Variants in TRIM42 observed in about 807,000 individuals in gnomAD.
TRIM42 encodes tripartite motif-containing protein 42.
TRIM42 carries 59 observed loss-of-function variants against 64.9 expected under a neutral mutation model. The observed-to-expected ratio is 0.91, with a 90% confidence interval of 0.74 to 1.13. TRIM42 has a LOEUF of 1.13. Among genes scored for constraint, TRIM42 ranks in the 50% most tolerant of loss-of-function variants. The pLI, the probability that TRIM42 is intolerant of heterozygous loss-of-function variation, is 0.00. For synonymous variants in TRIM42, 354 were observed against 346.3 expected (o/e 1.02, Z -0.25); for missense variants, 878 against 929.5 (o/e 0.94, Z 0.72).
intron 4 of TRIM42, 114 bp downstream of exon 4, chr3:140,691,306 G>A: frequency 1.1e-6 from 1 of 895,422 alleles, no homozygotes; most frequent in South Asian, 1.6e-5. Flanking sequence ...CTTCCTCTAA[G>A]CACAGAACAT....
intron 4 of TRIM42, among the ~76,000 whole-genome samples, chr3:140,695,414 G>A (rs1415360029): frequency 1.3e-5 from 2 of 152,116 alleles, no homozygotes; most frequent in Non-Finnish European, 2.9e-5. Context: ...ATCAGACTTG[G>A]AGGTAAAAAT....
In TRIM42 at chr3:140,688,483, G is replaced by C; in HGVS notation, c.1801G>C (p.Val601Leu). The C allele has an allele frequency of 1.2e-6, 2 of 1,614,168 alleles. No homozygotes were observed. Among genetic ancestry groups the C allele is most frequent in the Non-Finnish European group, 1.7e-6 (2 of 1,180,026 alleles). ...HNWYSFNDGSVKTPGPIVIYQ... is the reference protein window; with the variant it reads ...HNWYSFNDGSLKTPGPIVIYQ... ...CTGGTACTCATTCAACGATGGCTCT[G>C]TGAAGACCCCAGGCCCAATTGTTAT... Residue 601 changes from valine to leucine, a missense_variant, in exon 3 of 5, where the codon GTG becomes CTG. Physicochemically the swap from Val to Leu is conservative, Grantham distance 32. Transcript: ENST00000286349.
intron 3 of TRIM42, among the ~76,000 whole-genome samples, chr3:140,689,951 C>A (rs919560833): frequency 3.9e-5 from 6 of 152,114 alleles, no homozygotes; most frequent in East Asian, 1.9e-4. Flanking sequence ...AAAATAGTCA[C>A]CCCATGCCAC....
At chr3:140,695,289 C>G (rs910827061) in intron 4 of TRIM42, among the ~76,000 whole-genome samples, 1 of 152,014 alleles carries the variant, frequency 6.6e-6, no homozygotes, top group Non-Finnish European at 1.5e-5. Flanking sequence ...ACCTTAATTC[C>G]CCTTTGCTAT....
In TRIM42 at chr3:140,682,455, C is replaced by T; in HGVS notation, c.342-7C>T. On this transcript the variant is annotated splice_region_variant and splice_polypyrimidine_tract_variant and intron_variant, in intron 1 of 4. Transcript: ENST00000286349. ...TCCTGAAACCCTGCCTTTGCTTCTC[C>T]TTTCAGCTCCAAGACTGCCCTGCGC... 2 of 1,607,342 alleles carry T rather than the reference C, an allele frequency of 1.2e-6. No individual in the cohort carries two copies. The highest frequency in any genetic ancestry group is 1.7e-6 in the Non-Finnish European group (2 of 1,175,170).
At position 140,688,255 on chromosome 3, in the gene TRIM42, C is replaced by T; in HGVS notation, c.1573C>T (p.His525Tyr). The change falls in exon 3 of 5, where the codon CAC becomes TAC. Residue 525 changes from histidine (H) to tyrosine (Y), a missense_variant. By Grantham distance (83) the His-to-Tyr change is moderately conservative. Coordinates refer to ENST00000286349, the MANE Select transcript of TRIM42 (RefSeq NM_152616.5). The stretch of plus-strand genomic sequence containing the variant: ...TGCCAGGAAGGTCACTTTCAGCACC[C>T]ACAGCCTCGGCAACCAGCACATATA... ...MIARKVTFSTHSLGNQHIYQR... is the reference protein window; with the variant it reads ...MIARKVTFSTYSLGNQHIYQR... The T allele has an allele frequency of 1.2e-6, 2 of 1,614,208 alleles. No homozygotes were observed. Among genetic ancestry groups the T allele is most frequent in the South Asian group, 2.2e-5 (2 of 91,084 alleles).
At chr3:140,696,499 G>T (rs1185064363) in intron 4 of TRIM42, among the ~76,000 whole-genome samples, 2 of 152,180 alleles carry the variant, frequency 1.3e-5, no homozygotes, top group African/African-American at 4.8e-5. Context: ...GTCACCTTAT[G>T]GACACCATAG....
chr3:140,690,729 G>A (rs997027382), intron 3 of TRIM42, among the ~76,000 whole-genome samples: 3 of 151,452 alleles, frequency 2.0e-5, no homozygotes, highest in African/African-American at 4.9e-5. Flanking sequence ...CCTCCATGTC[G>A]ACTGACAGTA....
chr3:140,701,038 T>C lies in TRIM42; in HGVS notation c.*64T>C, dbSNP rs1988987380. 5 of 1,395,962 alleles carry C rather than the reference T, an allele frequency of 3.6e-6. No individual in the cohort carries two copies. The East Asian group carries it at 7.2e-5, about 20-fold the overall frequency. The allele number at this position is 1,395,962 out of a possible 1,614,324, so 86.5% of individuals were successfully genotyped here. ...AAGTAGACATATACACACACATATA[T>C]GTATGTATATTTTTCTCACCACATT... is the stretch of plus-strand genomic sequence containing the variant. On this transcript the variant is annotated 3_prime_UTR_variant, in exon 5 of 5. Transcript: ENST00000286349.
At chr3:140,697,083 C>T (rs1032891811) in intron 4 of TRIM42, among the ~76,000 whole-genome samples, 9 of 152,162 alleles carry the variant, frequency 5.9e-5, no homozygotes, top group African/African-American at 1.9e-4. Flanking sequence ...GCCCAATAGG[C>T]ATAAAATGAT....
chr3:140,691,288 A>G (rs1988706037), intron 4 of TRIM42, 96 bp downstream of exon 4: 1 of 1,033,602 alleles, frequency 9.7e-7, no homozygotes, highest in Admixed American at 1.9e-5. Flanking sequence ...AGAACTCACT[A>G]TGGGACTCTT....
At chr3:140,679,951 C>G (rs1223850904) in intron 1 of TRIM42, among the ~76,000 whole-genome samples, 2 of 147,644 alleles carry the variant, frequency 1.4e-5, no homozygotes, top group African/African-American at 4.9e-5. Context: ...TCAACCCCCC[C>G]ACCCCGCTTC....
At position 140,682,874 on chromosome 3, in the gene TRIM42, A is replaced by G; in HGVS notation, c.754A>G (p.Ile252Val). ...RNKRIAYKRC[I>V]TCRLNLCNDC... ...CAAGCGCATCGCTTACAAGCGCTGC[A>G]TCACCTGCCGCCTCAACCTGTGCAA... is the stretch of plus-strand genomic sequence containing the variant. Residue 252 changes from isoleucine to valine, a missense_variant, in exon 2 of 5, where the codon ATC becomes GTC. Ile to Val is a conservative substitution (Grantham distance 29). Coordinates refer to ENST00000286349, the MANE Select transcript of TRIM42 (RefSeq NM_152616.5). The G allele has an allele frequency of 6.2e-7, 1 of 1,614,216 alleles. No individual in the cohort carries two copies. Among genetic ancestry groups the G allele is most frequent in the Non-Finnish European group, 8.5e-7 (1 of 1,180,026 alleles).
intron 4 of TRIM42, among the ~76,000 whole-genome samples, chr3:140,695,911 G>A (rs1988834672): frequency 6.6e-6 from 1 of 152,184 alleles, no homozygotes; most frequent in Admixed American, 6.5e-5. Flanking sequence ...AAGATGGTTT[G>A]CATTCTTTAT....
At position 140,678,391 on chromosome 3, in the gene TRIM42, C is replaced by T. The variant is rs761300038; in HGVS notation, c.162C>T (p.His54=). Residue 54 remains histidine (H), a synonymous_variant, in exon 1 of 5, where the codon CAC becomes CAT. Transcript: ENST00000286349. ...ATGAGCGGAACTGCCAGTTCTGCCA[C>T]TGCACCTGTTCTGAGAGCCCCAACT... ...YKDERNCQFC[H]CTCSESPNCH... 1.9e-6 allele frequency: 3 copies of T among 1,614,122 alleles called. No individual in the cohort carries two copies. The highest frequency in any genetic ancestry group is 2.5e-6 in the Non-Finnish European group (3 of 1,180,050).
At chr3:140,689,091 G>A (rs1988640294) in intron 3 of TRIM42, among the ~76,000 whole-genome samples, 2 of 152,228 alleles carry the variant, frequency 1.3e-5, no homozygotes, top group Admixed American at 1.3e-4. Context: ...AGAGTGAAGA[G>A]TGGGGTCTGT....
At chr3:140,692,183 G>A (rs769938700) in intron 4 of TRIM42, among the ~76,000 whole-genome samples, 1 of 151,378 alleles carries the variant, frequency 6.6e-6, no homozygotes, top group Admixed American at 6.6e-5. Flanking sequence ...CATTCTCTTT[G>A]CTTCTCTCTG....
At chr3:140,697,424 A>T (rs1486025661) in intron 4 of TRIM42, among the ~76,000 whole-genome samples, 1 of 152,204 alleles carries the variant, frequency 6.6e-6, no homozygotes, top group Non-Finnish European at 1.5e-5. Context: ...TTAGGATTAG[A>T]TCACAAAGAT....
chr3:140,682,586 T>A lies in TRIM42; in HGVS notation c.466T>A (p.Ser156Thr), dbSNP rs1452302529. ...CPMCSRLRLH[S>T]FMLPCNHSLC... ...CATGTGCAGCCGGCTGCGCCTGCAC[T>A]CATTCATGCTGCCCTGCAACCACAG... is the stretch of plus-strand genomic sequence containing the variant. The change falls in exon 2 of 5, where the codon TCA becomes ACA. Residue 156 changes from serine to threonine, a missense_variant. Ser to Thr is a moderately conservative substitution (Grantham distance 58). Coordinates refer to ENST00000286349, the MANE Select transcript of TRIM42 (RefSeq NM_152616.5). The A allele has an allele frequency of 6.2e-7, 1 of 1,614,168 alleles. No homozygotes were observed. The highest frequency in any genetic ancestry group is 8.5e-7 in the Non-Finnish European group (1 of 1,180,018).
Sources: gnomAD v4.1 joint callset for allele counts (sites outside exome capture counted in the v4.1 genomes callset) on GRCh38, gnomAD v4.1.1 for gene constraint, MANE v1.5 for transcripts, NCBI Gene and HGNC (gene_info 2026-07-23, HGNC 2026-07-21) for gene names.